The following DCLK1 variants were observed in gnomAD, a reference collection of about 807,000 sequenced individuals.
DCLK1 encodes the protein serine/threonine-protein kinase DCLK1.
In DCLK1, 16 loss-of-function variants were observed where a neutral mutation model predicts 86.2. That is an observed-to-expected ratio of 0.19 (90% CI 0.13 to 0.28). DCLK1 has a LOEUF of 0.28. Ranked by LOEUF, DCLK1 falls within the 10% of genes least tolerant of loss-of-function variation. The pLI is 1.00. For missense variants in DCLK1, 590 were observed against 940.2 expected, an observed-to-expected ratio of 0.63 and a Z score of 4.87; for synonymous variants, 369 against 370.5, an observed-to-expected ratio of 1.00 and a Z score of 0.05.
intron 3 of DCLK1, among the ~76,000 whole-genome samples, chr13:36,063,608 C>G (rs775344068): frequency 6.6e-6 from 1 of 152,166 alleles, no homozygotes; most frequent in Non-Finnish European, 1.5e-5. Flanking sequence ...AGTGACCACA[C>G]CTGCCAGACC....
intron 15 of DCLK1, among the ~76,000 whole-genome samples, chr13:35,805,146 A>G (rs1375122213): frequency 6.6e-6 from 1 of 152,230 alleles, no homozygotes; most frequent in Non-Finnish European, 1.5e-5. Flanking sequence ...GTTGCGGGGT[A>G]GAAGATTGAG....
At position 35,871,270 on chromosome 13, in the gene DCLK1, G is replaced by A. The variant is rs1566578724; in HGVS notation, c.894C>T (p.Ser298=). The A allele has an allele frequency of 1.2e-6, 2 of 1,613,880 alleles. No individual in the cohort carries two copies. The highest frequency in any genetic ancestry group is 1.7e-6 in the Non-Finnish European group (2 of 1,180,008). Residue 298 remains serine, a synonymous_variant, in exon 5 of 17, where the codon AGC becomes AGT. Coordinates refer to ENST00000360631, the MANE Select transcript of DCLK1 (RefSeq NM_001330071.2). ...ACTTGCTACGCCTGGACGGTCCTGG[G>A]CTCTTGGTGGTGCTCCTGCGGGATG... ...ASSSRRSTTK[S]PGPSRRSKSP...
intron 3 of DCLK1, among the ~76,000 whole-genome samples, chr13:36,110,532 A>C (rs1357021239): frequency 6.6e-6 from 1 of 152,200 alleles, no homozygotes; most frequent in African/African-American, 2.4e-5. Context: ...TTCATGACTA[A>C]TACTCTTTCT....
At chr13:36,069,970 T>C (rs908851561) in intron 3 of DCLK1, among the ~76,000 whole-genome samples, 1 of 152,108 alleles carries the variant, frequency 6.6e-6, no homozygotes, top group African/African-American at 2.4e-5. Context: ...AATCAGCCAG[T>C]CAACAAAGAA....
intron 4 of DCLK1, among the ~76,000 whole-genome samples, chr13:35,876,470 A>C (rs1378511381): frequency 1.3e-5 from 2 of 152,234 alleles, no homozygotes; most frequent in Non-Finnish European, 2.9e-5. Context: ...AAAAACTCCA[A>C]CCATCTTTCC....
chr13:35,906,273 A>T (rs1316909498), intron 4 of DCLK1, among the ~76,000 whole-genome samples: 3 of 151,472 alleles, frequency 2.0e-5, no homozygotes, highest in Admixed American at 2.0e-4. Flanking sequence ...TAGGAAGTAG[A>T]TGCTTTCTAA....
chr13:35,933,515 T>C (rs7358881), intron 4 of DCLK1, among the ~76,000 whole-genome samples: 81,661 of 152,152 alleles, frequency 0.54, 25,085 homozygotes, highest in Admixed American at 0.67. Context: ...CCCTCTGACA[T>C]CTCGGCAGAA....
chr13:36,063,260 A>T (rs896168909), intron 3 of DCLK1, among the ~76,000 whole-genome samples: 1 of 152,052 alleles, frequency 6.6e-6, no homozygotes, highest in African/African-American at 2.4e-5. Flanking sequence ...AGTCTAGATG[A>T]CCATTCTGGA....
chr13:36,100,895 C>A (rs1257066146), intron 3 of DCLK1, among the ~76,000 whole-genome samples: 1 of 152,156 alleles, frequency 6.6e-6, no homozygotes, highest in Admixed American at 6.6e-5. Flanking sequence ...GACTGTTGGC[C>A]ACTAAATCCT....
chr13:35,842,593 T>C (rs566652630), intron 6 of DCLK1, among the ~76,000 whole-genome samples: 1 of 152,210 alleles, frequency 6.6e-6, no homozygotes, highest in Admixed American at 6.5e-5. Flanking sequence ...AAGGATAGGG[T>C]TTTCTTTCTC....
intron 3 of DCLK1, among the ~76,000 whole-genome samples, chr13:36,009,804 A>G (rs1270186838): frequency 3.5e-5 from 4 of 114,934 alleles, no homozygotes; most frequent in Non-Finnish European, 5.3e-5. Flanking sequence ...GAATCTGTAA[A>G]TTATCTTGGG....
intron 4 of DCLK1, among the ~76,000 whole-genome samples, chr13:35,911,010 A>G (rs1490421006): frequency 3.3e-5 from 5 of 151,808 alleles, no homozygotes; most frequent in African/African-American, 9.7e-5. Flanking sequence ...TTGGCCAGGC[A>G]TGGCGGCTGA....
chr13:35,975,829 C>T (rs1025116616), intron 3 of DCLK1, among the ~76,000 whole-genome samples: 2 of 152,138 alleles, frequency 1.3e-5, no homozygotes, highest in Admixed American at 6.5e-5. Flanking sequence ...CTTTTGTGTG[C>T]CAACTCAACA....
chr13:35,797,131 G>A (rs542235461), intron 15 of DCLK1, among the ~76,000 whole-genome samples: 5 of 152,192 alleles, frequency 3.3e-5, no homozygotes, highest in Admixed American at 6.5e-5. Flanking sequence ...AGAGTTGCAC[G>A]GAGCCAACAG....
intron 12 of DCLK1, among the ~76,000 whole-genome samples, chr13:35,809,429 A>G (rs1034302217): frequency 2.6e-5 from 4 of 152,006 alleles, no homozygotes; most frequent in African/African-American, 9.7e-5. Context: ...CTTGAGATAA[A>G]CTCCCTCACT....
intron 3 of DCLK1, among the ~76,000 whole-genome samples, chr13:36,052,679 T>C (rs551807546): frequency 2.6e-5 from 4 of 152,200 alleles, no homozygotes; most frequent in East Asian, 1.9e-4. Flanking sequence ...TGCTGTGAAA[T>C]TGAAAAGCCA....
At chr13:35,975,076 A>C (rs904174324) in intron 3 of DCLK1, among the ~76,000 whole-genome samples, 20 of 152,142 alleles carry the variant, frequency 1.3e-4, no homozygotes, top group Non-Finnish European at 4.4e-5. Flanking sequence ...AGGGCACAAC[A>C]CCTGTGCACA....
At chr13:36,064,733 T>A (rs1883688077) in intron 3 of DCLK1, among the ~76,000 whole-genome samples, 1 of 148,076 alleles carries the variant, frequency 6.8e-6, no homozygotes. Context: ...AATAACAGGG[T>A]CTATTGTACA....
At chr13:35,919,222 A>G (rs1875632334) in intron 4 of DCLK1, among the ~76,000 whole-genome samples, 1 of 152,056 alleles carries the variant, frequency 6.6e-6, no homozygotes. Flanking sequence ...TTTTGGTACT[A>G]ATTAAGTTTT....
Sources: gnomAD v4.1 joint callset for allele counts (sites outside exome capture counted in the v4.1 genomes callset) on GRCh38, gnomAD v4.1.1 for gene constraint, MANE v1.5 for transcripts, NCBI Gene and HGNC (gene_info 2026-07-23, HGNC 2026-07-21) for gene names.